Variants in CRLF2 observed in about 807,000 individuals in gnomAD.
CRLF2 encodes the protein cytokine receptor-like factor 2.
In CRLF2, 41 loss-of-function variants were observed where a neutral mutation model predicts 38.7. The observed-to-expected ratio is 1.06, with a 90% CI of 0.83 to 1.37. The LOEUF (loss-of-function observed/expected upper bound fraction) is 1.37, where lower values mean the gene tolerates loss of function less well. CRLF2 is among the 40% of genes most tolerant of loss of function. CRLF2 has a pLI of 0.00. For missense variants in CRLF2, 377 were observed against 322.2 expected (o/e 1.17, Z -1.30); for synonymous variants, 140 against 128.8 (o/e 1.09, Z -0.59).
intron 2 of CRLF2, 68 bp from the exon 3 acceptor site, chrX:1,206,667 G>A (rs770585174): frequency 6.7e-7 from 1 of 1,491,934 alleles, no homozygotes; most frequent in South Asian, 1.2e-5. Context: ...TTAGAGATGG[G>A]GTCTTGCTCT....
chrX:1,203,744 T>A (rs1289183941), intron 3 of CRLF2, among the ~76,000 whole-genome samples: 2 of 152,124 alleles, frequency 1.3e-5, no homozygotes, highest in Non-Finnish European at 2.9e-5. Flanking sequence ...CATCTCAGAC[T>A]CATGGGCTTC....
In CRLF2 at chrX:1,191,029, G is replaced by T. The variant is rs1451182377; in HGVS notation, c.984C>A (p.Asp328Glu). The T allele has an allele frequency of 5.0e-6, 2 of 398,606 alleles. No individual in the cohort carries two copies. Among genetic ancestry groups the T allele is most frequent in the East Asian group, 7.1e-5 (2 of 28,080 alleles). The allele number at this position is 398,606 out of a possible 1,614,324, so 24.7% of individuals were successfully genotyped here. ...AGGCCTCTTTCTCCTCGGTCTGTGG[G>T]TCCAGCATCCTGGGAGACTCGGCTT... ...KTEAESPRML[D>E]PQTEEKEASG... Residue 328 changes from aspartate to glutamate, a missense_variant, in exon 8 of 8, where the codon GAC becomes GAA. Coordinates refer to ENST00000400841, the MANE Select transcript of CRLF2 (RefSeq NM_022148.4).
In CRLF2 at chrX:1,211,875, AGATG is replaced by A. The variant is rs1256351492; in HGVS notation, c.79+677_79+680del. ...TGCATGGATGGATGGATGTATTGGTAGATGGATGGGTGGATGGGTGGATGGATGG... is the reference window on the plus strand; with the variant it reads ...TGCATGGATGGATGGATGTATTGGTAGATGGGTGGATGGGTGGATGGATGG... On this transcript the variant is annotated intron_variant, in intron 1 of 7. Coordinates refer to ENST00000400841, the MANE Select transcript of CRLF2 (RefSeq NM_022148.4). Among the ~76,000 whole-genome samples the A allele has an allele frequency of 5.4e-5, 2 of 36,846 alleles. 1 individual carries two copies. The highest frequency in any genetic ancestry group is 4.0e-4 in the African/African-American group (2 of 5,010). The allele number at this position is 36,846 out of a possible 152,430, so 24.2% of individuals were successfully genotyped here. A position where few individuals can be genotyped will look rare whatever the true frequency, so the allele number is the denominator to read the frequency against.
chrX:1,211,721 GTGGATGGA>G (rs1225291856), intron 1 of CRLF2, among the ~76,000 whole-genome samples: 1 of 88,022 alleles, frequency 1.1e-5, no homozygotes, highest in East Asian at 3.1e-4. Flanking sequence ...GGGTGGATGG[GTGGATGGA>G]TGGATGGATG....
rs1162263456 is a variant in CRLF2, at chrX:1,196,895, A to C, written c.652T>G (p.Cys218Gly). ...CWQRGEIRDA[C>G]AETPTPPKPK... ...TTGGGAGGCGTTGGTGTCTCTGCACAGGCATCTGAAACAAAATGAAAAGGC... is the reference window on the plus strand; with the variant it reads ...TTGGGAGGCGTTGGTGTCTCTGCACCGGCATCTGAAACAAAATGAAAAGGC... The change falls in exon 6 of 8, where the codon TGT (cysteine) becomes GGT (glycine). Residue 218 changes from cysteine (C) to glycine (G), a missense_variant. Cys to Gly is a radical substitution (Grantham distance 159, BLOSUM62 -3). Coordinates refer to ENST00000400841, the MANE Select transcript of CRLF2 (RefSeq NM_022148.4). 1.2e-6 allele frequency: 2 copies of C among 1,612,380 alleles called. No homozygotes were observed. The highest frequency in any genetic ancestry group is 1.7e-6 in the Non-Finnish European group (2 of 1,179,350).
At chrX:1,204,150 C>CCGTGTGTGTGTGTGTGTG (rs1387456703) in intron 3 of CRLF2, among the ~76,000 whole-genome samples, 1 of 124,712 alleles carries the variant, frequency 8.0e-6, no homozygotes, top group Non-Finnish European at 1.7e-5. Context: ...CCAGCTCACT[C>CCGTGTGTGTGTGTGTGTG]TGTGTGTGTG....
At chrX:1,196,745 T>G in intron 6 of CRLF2, 35 bp downstream of exon 6, 2 of 1,608,986 alleles carry the variant, frequency 1.2e-6, no homozygotes, top group Non-Finnish European at 1.7e-6. Context: ...TGCAAGCAGG[T>G]CCCTCCACCC....
intron 6 of CRLF2, 72 bp from the exon 7 acceptor site, chrX:1,193,374 A>AG (rs2086426858): frequency 7.5e-6 from 3 of 398,280 alleles, no homozygotes; most frequent in Non-Finnish European, 1.3e-5. Context: ...AAGCACCTAC[A>AG]GGGCATGGAC....
At chrX:1,202,275 A>G in intron 4 of CRLF2, 127 bp downstream of exon 4, 4 of 1,107,352 alleles carry the variant, frequency 3.6e-6, no homozygotes, top group Non-Finnish European at 5.2e-6. Flanking sequence ...TCAGGAAGAT[A>G]CAGCAGAGTG....
In CRLF2 at chrX:1,190,806, A is replaced by G. The variant is rs1166836389; in HGVS notation, c.*91T>C. On this transcript the variant is annotated 3_prime_UTR_variant, in exon 8 of 8. Coordinates refer to ENST00000400841, the MANE Select transcript of CRLF2 (RefSeq NM_022148.4). ...ACCATCATTGGCGTGGAGACTTCCCATCCATGGTGGTGTGGAGTCCCCGGG... is the reference window on the plus strand; with the variant it reads ...ACCATCATTGGCGTGGAGACTTCCCGTCCATGGTGGTGTGGAGTCCCCGGG... 6.3e-5 allele frequency: 25 copies of G among 398,656 alleles called. No homozygotes were observed. Among genetic ancestry groups the G allele is most frequent in the African/African-American group, 2.7e-4 (13 of 48,754 alleles). 24.7% of individuals were successfully genotyped at this position (398,656 alleles called of 1,614,324 possible).
At chrX:1,191,346 C>CTTTCTTTCTTTCT (rs1491422134) in intron 7 of CRLF2, among the ~76,000 whole-genome samples, 186 bp from the exon 8 acceptor site, 8 of 44,722 alleles carry the variant, frequency 1.8e-4, no homozygotes, top group African/African-American at 2.8e-4. Context: ...TCTTTCTTTC[C>CTTTCTTTCTTTCT]TTCTTTCTTT....
intron 5 of CRLF2, 26 bp downstream of exon 5, chrX:1,198,536 G>A: frequency 1.2e-6 from 2 of 1,612,592 alleles, no homozygotes; most frequent in Non-Finnish European, 1.7e-6. Context: ...CAAGGCTATG[G>A]GACACTGCCG....
intron 7 of CRLF2, among the ~76,000 whole-genome samples, chrX:1,192,761 T>TTCCTTCC (rs2086415205): frequency 1.9e-5 from 2 of 103,962 alleles, no homozygotes; most frequent in Non-Finnish European, 4.0e-5. Context: ...TCTTTCTTTC[T>TTCCTTCC]TTCTTTCCTT....
chrX:1,190,735 G>A lies in CRLF2; in HGVS notation c.*162C>T. ...TGTGGGGGAAAGTTAGCAGGGCAGT[G>A]GCCGCATTAGGCGGTGAGGCTGGGT... On this transcript the variant is annotated 3_prime_UTR_variant, in exon 8 of 8. Transcript: ENST00000400841. 1 of 397,976 alleles carries A rather than the reference G, an allele frequency of 2.5e-6. No homozygotes were observed. Among genetic ancestry groups the A allele is most frequent in the Admixed American group, 4.4e-5 (1 of 22,742 alleles). The allele number at this position is 397,976 out of a possible 1,614,324, so 24.7% of individuals were successfully genotyped here.
intron 4 of CRLF2, 58 bp from the exon 5 acceptor site, chrX:1,198,782 C>CACAA: frequency 2.3e-6 from 3 of 1,302,666 alleles, no homozygotes; most frequent in Non-Finnish European, 3.2e-6. Context: ...CACACACACA[C>CACAA]AATGATTAGT....
chrX:1,211,968 G>A (rs181884713), intron 1 of CRLF2, among the ~76,000 whole-genome samples: 4,907 of 149,872 alleles, frequency 0.033, 258 homozygotes, highest in South Asian at 0.11. Context: ...TGATAGATGG[G>A]TGGATGGGAG....
intron 1 of CRLF2, among the ~76,000 whole-genome samples, chrX:1,211,475 G>A (rs1323294602): frequency 7.3e-5 from 6 of 81,804 alleles, no homozygotes; most frequent in Non-Finnish European, 1.4e-4. Context: ...ATGGGTGGAT[G>A]GATGGATGGA....
In CRLF2 at chrX:1,198,935, G is replaced by A. The variant is rs745384844; in HGVS notation, c.484-211C>T. 3.0e-5 allele frequency: 18 copies of A among 597,372 alleles called. No individual in the cohort carries two copies. The Admixed American group carries it at 3.9e-4, about 13-fold the overall frequency. 37.0% of individuals were successfully genotyped at this position (597,372 alleles called of 1,614,324 possible). On this transcript the variant is annotated intron_variant, in intron 4 of 7. Transcript: ENST00000400841. ...AGGCTGAGGCGGGTGGATCACCTGAGGTCGCAAGTTCGAGACCAGCCTGGC... is the reference window on the plus strand; with the variant it reads ...AGGCTGAGGCGGGTGGATCACCTGAAGTCGCAAGTTCGAGACCAGCCTGGC...
intron 1 of CRLF2, among the ~76,000 whole-genome samples, chrX:1,210,019 G>T (rs1452860042): frequency 1.3e-5 from 2 of 150,898 alleles, no homozygotes; most frequent in African/African-American, 4.9e-5. Context: ...CAGGAGAATG[G>T]CTTGAACTCA....
Sources: gnomAD v4.1 joint callset for allele counts (sites outside exome capture counted in the v4.1 genomes callset) on GRCh38, gnomAD v4.1.1 for gene constraint, MANE v1.5 for transcripts, NCBI Gene and HGNC (gene_info 2026-07-23, HGNC 2026-07-21) for gene names.